NTRK2: variants seen among roughly 807,000 people sequenced by gnomAD.
NTRK2 encodes the protein neurotrophic receptor tyrosine kinase 2.
A neutral mutation model predicts 94.5 loss-of-function variants in NTRK2; 13 were observed. The ratio of observed to expected loss-of-function variants is 0.14; its 90% CI spans 0.09 to 0.22. The LOEUF is 0.22. Ranked by LOEUF, NTRK2 falls within the 10% of genes least tolerant of loss-of-function variation. The pLI, the probability that NTRK2 is intolerant of heterozygous loss-of-function variation, is 1.00. For missense variants in NTRK2, 639 were observed against 1,071.2 expected (o/e 0.60, Z 5.63); for synonymous variants, 372 against 407.4 (o/e 0.91, Z 1.05).
chr9:84,996,277 G>A (rs541270765), intron 17 of NTRK2, among the ~76,000 whole-genome samples: 31 of 152,350 alleles, frequency 2.0e-4, no homozygotes, highest in Middle Eastern at 3.4e-3. Flanking sequence ...CATGAAAGAC[G>A]TTGCTATGAT....
chr9:84,816,982 A>G (rs1423292290), intron 12 of NTRK2, among the ~76,000 whole-genome samples: 1 of 152,176 alleles, frequency 6.6e-6, no homozygotes, highest in Non-Finnish European at 1.5e-5. Context: ...GAACAATATA[A>G]TCTTGGGAAA....
At chr9:84,881,623 T>C (rs2076256723) in intron 14 of NTRK2, among the ~76,000 whole-genome samples, 1 of 152,234 alleles carries the variant, frequency 6.6e-6, no homozygotes, top group Non-Finnish European at 1.5e-5. Context: ...CATCTTACTG[T>C]AGCTTTGGGA....
At chr9:84,672,141 C>A (rs546678646) in intron 2 of NTRK2, among the ~76,000 whole-genome samples, 1 of 152,146 alleles carries the variant, frequency 6.6e-6, no homozygotes, top group Non-Finnish European at 1.5e-5. Context: ...TTTCTGCCAA[C>A]GTAGTTGACC....
chr9:84,771,095 A>G (rs1213982667), intron 12 of NTRK2, among the ~76,000 whole-genome samples: 1 of 152,244 alleles, frequency 6.6e-6, no homozygotes, highest in Non-Finnish European at 1.5e-5. Flanking sequence ...ATTTCTAATA[A>G]GAGCTTGAGT....
At chr9:84,758,512 C>T (rs888571114) in intron 12 of NTRK2, among the ~76,000 whole-genome samples, 4 of 152,104 alleles carry the variant, frequency 2.6e-5, no homozygotes, top group African/African-American at 9.7e-5. Flanking sequence ...CTGTCTTAGC[C>T]TCCTGAGTAG....
intron 12 of NTRK2, among the ~76,000 whole-genome samples, chr9:84,786,029 G>C (rs2068080199): frequency 6.6e-6 from 1 of 152,134 alleles, no homozygotes; most frequent in African/African-American, 2.4e-5. Flanking sequence ...AACATGACCT[G>C]GGAATTCCAA....
At chr9:84,815,353 A>AT (rs1316534650) in intron 12 of NTRK2, 60 of 1,046,324 alleles carry the variant, frequency 5.7e-5, no homozygotes, top group African/African-American at 8.3e-5. Flanking sequence ...AGGAACAGAG[A>AT]TTTTTTATCA....
At chr9:84,749,216 G>C (rs906636112) in intron 11 of NTRK2, among the ~76,000 whole-genome samples, 3 of 151,238 alleles carry the variant, frequency 2.0e-5, no homozygotes, top group African/African-American at 7.3e-5. Context: ...CAACAGGAGC[G>C]AAACTCCGTC....
At chr9:84,783,351 T>C (rs2067793674) in intron 12 of NTRK2, among the ~76,000 whole-genome samples, 1 of 152,248 alleles carries the variant, frequency 6.6e-6, no homozygotes, top group East Asian at 1.9e-4. Context: ...GTTACCCAGC[T>C]TGATCACTCA....
intron 11 of NTRK2, among the ~76,000 whole-genome samples, chr9:84,748,622 T>C (rs1356950256): frequency 6.6e-6 from 1 of 152,240 alleles, no homozygotes; most frequent in Non-Finnish European, 1.5e-5. Context: ...ACTGTGGTAC[T>C]GCTGCATGGT....
intron 12 of NTRK2, chr9:84,814,298 C>T (rs1358369439): frequency 9.4e-7 from 1 of 1,065,436 alleles, no homozygotes. Context: ...GGCGACACCT[C>T]TTCAGGGGTG....
At chr9:85,014,744 C>A (rs1405769933) in intron 17 of NTRK2, among the ~76,000 whole-genome samples, 1 of 152,164 alleles carries the variant, frequency 6.6e-6, no homozygotes, top group East Asian at 1.9e-4. Context: ...TTAGTATTTT[C>A]TTCAGGATTT....
chr9:84,691,641 A>G (rs2060054871), intron 2 of NTRK2, among the ~76,000 whole-genome samples: 1 of 152,154 alleles, frequency 6.6e-6, no homozygotes, highest in South Asian at 2.1e-4. Flanking sequence ...ACCCTATCTG[A>G]GTATGAAGAT....
intron 6 of NTRK2, among the ~76,000 whole-genome samples, chr9:84,722,571 A>T (rs531332972): frequency 2.0e-5 from 3 of 152,106 alleles, no homozygotes; most frequent in Non-Finnish European, 4.4e-5. Flanking sequence ...TCGGGTGACT[A>T]TAGTCCCAAG....
At chr9:84,989,521 T>C (rs1429780380) in intron 17 of NTRK2, among the ~76,000 whole-genome samples, 1 of 152,192 alleles carries the variant, frequency 6.6e-6, no homozygotes, top group Non-Finnish European at 1.5e-5. Context: ...AATGACTACA[T>C]ATATAAGTCA....
At chr9:84,746,708 C>T (rs947962848) in intron 11 of NTRK2, among the ~76,000 whole-genome samples, 164 of 152,162 alleles carry the variant, frequency 1.1e-3, no homozygotes, top group African/African-American at 3.7e-3. Flanking sequence ...ATGCTCTCTC[C>T]AGTGCTCCAG....
chr9:84,976,489 T>C (rs974337323), intron 17 of NTRK2, among the ~76,000 whole-genome samples: 2 of 152,184 alleles, frequency 1.3e-5, no homozygotes, highest in African/African-American at 2.4e-5. Flanking sequence ...AGTAACAATT[T>C]AGAGTCGACA....
At chr9:84,922,643 G>A (rs2077605568) in intron 14 of NTRK2, among the ~76,000 whole-genome samples, 1 of 152,130 alleles carries the variant, frequency 6.6e-6, no homozygotes. Context: ...TGGGGACAGT[G>A]ATGTCTCTCC....
In NTRK2 at chr9:85,026,108, C is replaced by A. The variant is rs1411774663; in HGVS notation, c.*4671C>A. The A allele has an allele frequency of 5.6e-6, 1 of 179,082 alleles. No individual in the cohort carries two copies. Among genetic ancestry groups the A allele is most frequent in the Non-Finnish European group, 1.0e-5 (1 of 96,982 alleles). 11.1% of individuals were successfully genotyped at this position (179,082 alleles called of 1,614,324 possible). A position where few individuals can be genotyped will look rare whatever the true frequency, so the allele number is the denominator to read the frequency against. On this transcript the variant is annotated 3_prime_UTR_variant, in exon 19 of 19. Coordinates refer to ENST00000277120, the MANE Select transcript of NTRK2 (RefSeq NM_006180.6). The stretch of plus-strand genomic sequence containing the variant: ...TTTATTTATATACTTTTGCTCCATT[C>A]AGCACAAACACAAAGCAAAGCAAAA...
Sources: gnomAD v4.1 joint callset for allele counts (sites outside exome capture counted in the v4.1 genomes callset) on GRCh38, gnomAD v4.1.1 for gene constraint, MANE v1.5 for transcripts, NCBI Gene and HGNC (gene_info 2026-07-23, HGNC 2026-07-21) for gene names.